Variants in NACC2 observed in about 807,000 individuals in gnomAD.
NACC2 encodes nucleus accumbens-associated protein 2.
NACC2 carries 8 observed loss-of-function variants against 25.1 expected under a neutral mutation model. The observed-to-expected ratio is 0.32, with a 90% CI of 0.19 to 0.57. The LOEUF (loss-of-function observed/expected upper bound fraction) is 0.57, where lower values mean the gene tolerates loss of function less well. NACC2 is among the 20% of genes least tolerant of loss of function. The pLI is 0.89. For missense variants in NACC2, 644 were observed against 650.2 expected (o/e 0.99, Z 0.10); for synonymous variants, 435 against 294.7 (o/e 1.48, Z -4.88).
At chr9:136,015,342 T>C (rs1245899206) in intron 3 of NACC2, among the ~76,000 whole-genome samples, 2 of 152,140 alleles carry the variant, frequency 1.3e-5, no homozygotes, top group Non-Finnish European at 2.9e-5. Context: ...CCAGAAGCAG[T>C]GCCGGGGCAG....
chr9:136,035,944 GAAC>G (rs1840545286), intron 2 of NACC2, among the ~76,000 whole-genome samples: 1 of 152,114 alleles, frequency 6.6e-6, no homozygotes, highest in South Asian at 2.1e-4. Context: ...TACAAACATA[GAAC>G]ATCATCATGA....
At chr9:136,069,583 A>C (rs1176671886) in intron 1 of NACC2, among the ~76,000 whole-genome samples, 3 of 150,178 alleles carry the variant, frequency 2.0e-5, no homozygotes, top group Admixed American at 6.6e-5. Flanking sequence ...CAAAACAAAA[A>C]AAACACCTCA....
rs546131207 is a variant in NACC2, at chr9:136,074,931, G to A, written c.-60+20258C>T. Among the ~76,000 whole-genome samples the A allele has an allele frequency of 1.2e-3, 176 of 152,314 alleles. 1 individual carries two copies. The highest frequency in any genetic ancestry group is 4.1e-3 in the African/African-American group (169 of 41,570). On this transcript the variant is annotated intron_variant, in intron 1 of 5. Coordinates refer to ENST00000277554, the MANE Select transcript of NACC2 (RefSeq NM_144653.5). ...TGCTGGCGGGAATGGGTTCTCGCAC[G>A]GCCTCCTTCTGGGAGCCCGGGAGCT... is the stretch of plus-strand genomic sequence containing the variant.
intron 1 of NACC2, among the ~76,000 whole-genome samples, chr9:136,087,714 G>A (rs541465928): frequency 9.2e-5 from 14 of 152,320 alleles, no homozygotes; most frequent in East Asian, 5.8e-4. Context: ...ACCGCAGCAC[G>A]GGGGGAAATG....
intron 1 of NACC2, among the ~76,000 whole-genome samples, chr9:136,082,418 G>A (rs1830333597): frequency 6.6e-6 from 1 of 152,316 alleles, no homozygotes; most frequent in East Asian, 1.9e-4. Context: ...CCTGTGAGAG[G>A]TCTGGGCAGG....
intron 2 of NACC2, among the ~76,000 whole-genome samples, chr9:136,029,528 C>T (rs943784081): frequency 6.6e-6 from 1 of 152,236 alleles, no homozygotes; most frequent in Non-Finnish European, 1.5e-5. Flanking sequence ...GAAACATGCC[C>T]CTTGCCCACC....
chr9:136,057,700 G>A (rs1840945620), intron 1 of NACC2, among the ~76,000 whole-genome samples: 1 of 152,204 alleles, frequency 6.6e-6, no homozygotes, highest in South Asian at 2.1e-4. Flanking sequence ...GGCTCGGCCG[G>A]GTGGAAGCTG....
chr9:136,033,064 T>C (rs913940288), intron 2 of NACC2, among the ~76,000 whole-genome samples: 2 of 151,690 alleles, frequency 1.3e-5, no homozygotes, highest in African/African-American at 4.9e-5. Context: ...TAATTCCAGC[T>C]ACTTGGGAGG....
intron 2 of NACC2, among the ~76,000 whole-genome samples, chr9:136,029,735 G>C (rs1314178836): frequency 2.0e-5 from 3 of 152,182 alleles, no homozygotes; most frequent in Non-Finnish European, 2.9e-5. Context: ...GCCCTGCAGG[G>C]AGCCGGCGCC....
intron 2 of NACC2, among the ~76,000 whole-genome samples, chr9:136,041,182 A>T (rs1304777433): frequency 6.6e-6 from 1 of 152,114 alleles, no homozygotes; most frequent in East Asian, 1.9e-4. Context: ...AGCACTTTGG[A>T]AGGCCAAGAC....
intron 2 of NACC2, among the ~76,000 whole-genome samples, chr9:136,038,580 T>C (rs1321593858): frequency 6.6e-6 from 1 of 152,108 alleles, no homozygotes; most frequent in Non-Finnish European, 1.5e-5. Context: ...ACTTCCAAAT[T>C]GTACATCAAA....
chr9:136,081,912 C>T (rs1830328384), intron 1 of NACC2, among the ~76,000 whole-genome samples: 1 of 152,076 alleles, frequency 6.6e-6, no homozygotes, highest in Admixed American at 6.5e-5. Flanking sequence ...CGCAGTCCAG[C>T]CCACCTGCAG....
In NACC2 at chr9:136,017,237, C is replaced by T. The variant is rs539634443; in HGVS notation, c.887-808G>A. On this transcript the variant is annotated intron_variant, in intron 2 of 5. Coordinates refer to ENST00000277554, the MANE Select transcript of NACC2 (RefSeq NM_144653.5). ...ATCCTCAGGACCTGCAGCTGTGCAG[C>T]GCGACCCCGATGGCACCACGCGTCA... is the stretch of plus-strand genomic sequence containing the variant. Among the ~76,000 whole-genome samples, 112 of 152,284 alleles carry T rather than the reference C, an allele frequency of 7.4e-4. 2 individuals carry two copies. In the South Asian group the frequency reaches 0.01, roughly 14 times the overall value.
chr9:136,015,797 C>T (rs996090292), intron 3 of NACC2, among the ~76,000 whole-genome samples: 2 of 152,214 alleles, frequency 1.3e-5, no homozygotes, highest in Admixed American at 6.5e-5. Context: ...GGAGCTATGA[C>T]GCCAAAGGAA....
Position 136,007,831 on chromosome 9 carries a change from G to C in NACC2, c.*3685C>G, listed in dbSNP as rs142780360. ...AGCCCAGGCAGTACACGGCTGGGTG[G>C]GGTGGGGGGACTGGGCCAGCGCTTA... On this transcript the variant is annotated 3_prime_UTR_variant, in exon 6 of 6. Coordinates refer to ENST00000277554, the MANE Select transcript of NACC2 (RefSeq NM_144653.5). 6.6e-6 allele frequency: 1 copy of C among 152,416 alleles called. No individual in the cohort carries two copies. The highest frequency in any genetic ancestry group is 6.5e-5 in the Admixed American group (1 of 15,308). The allele number at this position is 152,416 out of a possible 1,614,324, so 9.4% of individuals were successfully genotyped here.
chr9:136,050,429 A>G lies in NACC2; in HGVS notation c.93T>C (p.Asp31=), dbSNP rs1840805240. The part of the protein sequence containing the change: ...NEQRLLGLYC[D]VSIVVKGQAF... ...CCTGGCCCTTGACCACGATGGACACATCGCAGTAGAGGCCCAGCAGGCGCT... is the reference window on the plus strand; with the variant it reads ...CCTGGCCCTTGACCACGATGGACACGTCGCAGTAGAGGCCCAGCAGGCGCT... Residue 31 remains aspartate, a synonymous_variant, in exon 2 of 6, where the codon GAT becomes GAC. Coordinates refer to ENST00000277554, the MANE Select transcript of NACC2 (RefSeq NM_144653.5). 8 of 766,910 alleles carry G rather than the reference A, an allele frequency of 1.0e-5. No homozygotes were observed. The highest frequency in any genetic ancestry group is 1.9e-5 in the Non-Finnish European group (8 of 417,148). 47.5% of individuals were successfully genotyped at this position (766,910 alleles called of 1,614,324 possible).
At chr9:136,023,259 C>T (rs1272086201) in intron 2 of NACC2, among the ~76,000 whole-genome samples, 1 of 151,490 alleles carries the variant, frequency 6.6e-6, no homozygotes, top group Non-Finnish European at 1.5e-5. Context: ...GATGTGGGGG[C>T]CACTAAGTAG....
At position 136,022,241 on chromosome 9, in the gene NACC2, A is replaced by G. The variant is rs907128725; in HGVS notation, c.887-5812T>C. ...GAGGGGCAATGTGGGGGCACCACAGACGGGTGACCAGGCCCGGGTGATGAG... is the reference window on the plus strand; with the variant it reads ...GAGGGGCAATGTGGGGGCACCACAGGCGGGTGACCAGGCCCGGGTGATGAG... On this transcript the variant is annotated intron_variant, in intron 2 of 5. Coordinates refer to ENST00000277554, the MANE Select transcript of NACC2 (RefSeq NM_144653.5). This position sits in a 1 kb window ranked among gnomAD's most constrained non-coding sequence, Gnocchi z 4.4. Among the ~76,000 whole-genome samples the G allele has an allele frequency of 2.0e-5, 3 of 152,200 alleles. No homozygotes were observed. Among genetic ancestry groups the G allele is most frequent in the African/African-American group, 7.2e-5 (3 of 41,438 alleles).
At chr9:136,043,019 C>G (rs1403784147) in intron 2 of NACC2, among the ~76,000 whole-genome samples, 1 of 151,916 alleles carries the variant, frequency 6.6e-6, no homozygotes, top group East Asian at 1.9e-4. Context: ...CCTGGATAGG[C>G]AGGAATTCAC....
Sources: gnomAD v4.1 joint callset for allele counts (sites outside exome capture counted in the v4.1 genomes callset) on GRCh38, gnomAD v4.1.1 for gene constraint, Gnocchi (gnomAD v3.1) non-coding constraint, MANE v1.5 for transcripts, NCBI Gene and HGNC (gene_info 2026-07-23, HGNC 2026-07-21) for gene names.